The following LRFN2 variants were observed in gnomAD, a reference collection of about 807,000 sequenced individuals.
The protein encoded by LRFN2 is leucine-rich repeat and fibronectin type-III domain-containing protein 2.
LRFN2 carries 18 observed loss-of-function variants against 37.3 expected under a neutral mutation model. The ratio of observed to expected loss-of-function variants is 0.48; its 90% CI spans 0.33 to 0.72. The LOEUF is 0.72. Ranked by LOEUF, LRFN2 falls within the 30% of genes least tolerant of loss-of-function variation. The pLI is 0.02. For missense variants in LRFN2, 1,006 were observed against 1,060.7 expected, an observed-to-expected ratio of 0.95 and a Z score of 0.72; for synonymous variants, 556 against 466.6, an observed-to-expected ratio of 1.19 and a Z score of -2.47.
rs567610891 is a variant in LRFN2 at position 40,575,374 on chromosome 6, A to G, written c.-19+11567T>C. ...GAACACACAAAGGCAGTCCTGAGAG[A>G]GACCCCATGGAGGTCAGGATGTCAC... On this transcript the variant is annotated intron_variant, in intron 1 of 2. Coordinates refer to ENST00000338305, the MANE Select transcript of LRFN2 (RefSeq NM_020737.3). 5.3e-5 allele frequency among the ~76,000 whole-genome samples: 8 copies of G among 152,164 alleles called. No homozygotes were observed. In the South Asian group the frequency reaches 1.7e-3, roughly 32 times the overall value.
At chr6:40,577,731 A>G (rs956920720) in intron 1 of LRFN2, among the ~76,000 whole-genome samples, 6 of 149,142 alleles carry the variant, frequency 4.0e-5, no homozygotes, top group African/African-American at 7.4e-5. Flanking sequence ...ATGATTTCCA[A>G]TTTCAACAAT....
chr6:40,471,063 G>C (rs889132269), intron 1 of LRFN2, among the ~76,000 whole-genome samples: 10 of 152,278 alleles, frequency 6.6e-5, no homozygotes, highest in Admixed American at 3.9e-4. Context: ...TGAGGGGCGT[G>C]GGGGGCAGTG....
At chr6:40,553,989 G>A (rs561252189) in intron 1 of LRFN2, among the ~76,000 whole-genome samples, 1 of 152,122 alleles carries the variant, frequency 6.6e-6, no homozygotes, top group Non-Finnish European at 1.5e-5. Flanking sequence ...GTGGTTTCAG[G>A]TGCCTCTCTC....
intron 1 of LRFN2, among the ~76,000 whole-genome samples, chr6:40,544,150 G>C (rs1032260697): frequency 2.2e-4 from 34 of 152,228 alleles, no homozygotes; most frequent in African/African-American, 8.2e-4. Context: ...AGAAAGAAGG[G>C]GAGAGGAAAG....
intron 1 of LRFN2, among the ~76,000 whole-genome samples, chr6:40,585,479 G>A (rs574852794): frequency 1.2e-4 from 19 of 152,246 alleles, no homozygotes; most frequent in Non-Finnish European, 2.6e-4. Context: ...ACCCCCTTCA[G>A]CCTCTGATGT....
At chr6:40,424,580 G>A (rs1031518266) in intron 2 of LRFN2, among the ~76,000 whole-genome samples, 11 of 128,296 alleles carry the variant, frequency 8.6e-5, no homozygotes, top group East Asian at 2.3e-4. Context: ...TTTCAACAGC[G>A]TGAAAAAAAA....
At chr6:40,426,771 C>G (rs1364548020) in intron 2 of LRFN2, among the ~76,000 whole-genome samples, 2 of 152,200 alleles carry the variant, frequency 1.3e-5, no homozygotes, top group Non-Finnish European at 2.9e-5. Context: ...TTCACATGAG[C>G]TTCCAGAACC....
chr6:40,561,162 C>G (rs908115285), intron 1 of LRFN2, among the ~76,000 whole-genome samples: 1 of 152,148 alleles, frequency 6.6e-6, no homozygotes, highest in African/African-American at 2.4e-5. Flanking sequence ...AGGGAAAGGG[C>G]AACTGAGAGA....
intron 2 of LRFN2, among the ~76,000 whole-genome samples, chr6:40,404,131 C>G (rs181452469): frequency 1.2e-3 from 182 of 152,290 alleles, no homozygotes; most frequent in African/African-American, 4.1e-3. Flanking sequence ...TGCGGGCTTC[C>G]CCAGGCTTGT....
intron 1 of LRFN2, among the ~76,000 whole-genome samples, chr6:40,469,513 C>CAG (rs1764547249): frequency 6.6e-6 from 1 of 152,288 alleles, no homozygotes; most frequent in African/African-American, 2.4e-5. Context: ...AGGCAGCCTC[C>CAG]ACCCCATGTC....
intron 1 of LRFN2, among the ~76,000 whole-genome samples, chr6:40,510,857 C>T (rs139763917): frequency 1.2e-4 from 19 of 152,022 alleles, no homozygotes; most frequent in East Asian, 1.9e-4. Flanking sequence ...ATTGGGAAGA[C>T]GAGACTCACA....
chr6:40,404,054 C>T (rs1194296852), intron 2 of LRFN2, among the ~76,000 whole-genome samples: 2 of 152,188 alleles, frequency 1.3e-5, no homozygotes, highest in Non-Finnish European at 1.5e-5. Context: ...AGCTGCTTTG[C>T]CTCTTTCAGG....
chr6:40,430,247 A>C (rs1431781160), intron 2 of LRFN2, among the ~76,000 whole-genome samples: 1 of 152,180 alleles, frequency 6.6e-6, no homozygotes, highest in Admixed American at 6.5e-5. Context: ...CAGCTCTGCT[A>C]CGGTTTCCAC....
chr6:40,471,838 T>C (rs1433438314), intron 1 of LRFN2, among the ~76,000 whole-genome samples: 1 of 152,120 alleles, frequency 6.6e-6, no homozygotes, highest in Admixed American at 6.5e-5. Context: ...TATAGTTCCC[T>C]GAAGGAAGAG....
At chr6:40,400,314 G>A (rs767182317) in intron 2 of LRFN2, among the ~76,000 whole-genome samples, 5 of 151,736 alleles carry the variant, frequency 3.3e-5, no homozygotes, top group Non-Finnish European at 7.4e-5. Flanking sequence ...AAAATGTTAG[G>A]GCCTAAACAT....
At chr6:40,455,833 C>T (rs1487450350) in intron 1 of LRFN2, among the ~76,000 whole-genome samples, 2 of 152,158 alleles carry the variant, frequency 1.3e-5, no homozygotes, top group Non-Finnish European at 2.9e-5. Context: ...AATGAAGGTC[C>T]CTCATCAATT....
Position 40,431,712 on chromosome 6 carries a change from A to G in LRFN2, c.1400+2T>C. 6.7e-7 allele frequency: 1 copy of G among 1,502,770 alleles called. No individual in the cohort carries two copies. The highest frequency in any genetic ancestry group is 8.9e-7 in the Non-Finnish European group (1 of 1,125,532). 93.1% of individuals were successfully genotyped at this position (1,502,770 alleles called of 1,614,324 possible). ...CTGCCTTTGCCACAGCCGCTTGCTC[A>G]CCTGTAAATCAGTACCTCATCGTCA... is the stretch of plus-strand genomic sequence containing the variant. On this transcript the variant is annotated splice_donor_variant, in intron 2 of 2. Transcript: ENST00000338305. LOFTEE classifies it high-confidence loss of function.
chr6:40,543,144 T>C (rs1264520675), intron 1 of LRFN2, among the ~76,000 whole-genome samples: 3 of 152,226 alleles, frequency 2.0e-5, no homozygotes, highest in Non-Finnish European at 4.4e-5. Flanking sequence ...ATCAGGCACA[T>C]CGCAAAGACC....
At chr6:40,581,448 C>G (rs898531801) in intron 1 of LRFN2, among the ~76,000 whole-genome samples, 1 of 152,160 alleles carries the variant, frequency 6.6e-6, no homozygotes, top group South Asian at 2.1e-4. Context: ...TCCGCTGCAC[C>G]CCAGCAAGCA....
Sources: gnomAD v4.1 joint callset for allele counts (sites outside exome capture counted in the v4.1 genomes callset) on GRCh38, gnomAD v4.1.1 for gene constraint, MANE v1.5 for transcripts, NCBI Gene and HGNC (gene_info 2026-07-23, HGNC 2026-07-21) for gene names.